The following CRACD variants were observed in gnomAD, a reference collection of about 807,000 sequenced individuals.
The protein encoded by CRACD is capping protein inhibiting regulator of actin dynamics.
A neutral mutation model predicts 106.8 loss-of-function variants in CRACD; 56 were observed. The observed-to-expected ratio is 0.52, with a 90% CI of 0.42 to 0.66. CRACD has a LOEUF of 0.66. CRACD is among the 30% of genes least tolerant of loss of function. CRACD has a pLI of 0.00. For synonymous variants in CRACD, 754 were observed against 670.8 expected (o/e 1.12, Z -1.92); for missense variants, 1,730 against 1,623.2 (o/e 1.07, Z -1.13).
intron 1 of CRACD, among the ~76,000 whole-genome samples, chr4:56,055,212 C>G (rs1428714085): frequency 1.3e-5 from 2 of 151,878 alleles, no homozygotes; most frequent in African/African-American, 4.8e-5. Flanking sequence ...CCTCACCCCA[C>G]TCACCTGGGG....
At position 56,172,020 on chromosome 4, in the gene CRACD, CT is replaced by C. The variant is rs35574683; in HGVS notation, c.-335-7249del. 2.2e-3 allele frequency among the ~76,000 whole-genome samples: 230 copies of C among 106,356 alleles called. 2 individuals are homozygous for C. Among genetic ancestry groups the C allele is most frequent in the African/African-American group, 4.9e-3 (140 of 28,380 alleles). 69.8% of individuals were successfully genotyped at this position (106,356 alleles called of 152,430 possible). Reference sequence around the variant, plus strand: ...GTGGAGGTATCTTTTGAGGGTTTCTCTTTTTTTTTTTTTTTCAACTTTACAG... The same window carrying C: ...GTGGAGGTATCTTTTGAGGGTTTCTCTTTTTTTTTTTTTTCAACTTTACAG... On this transcript the variant is annotated intron_variant, in intron 1 of 10. Transcript: ENST00000682029.
At chr4:56,210,102 C>A (rs372564294) in intron 2 of CRACD, among the ~76,000 whole-genome samples, 6 of 152,288 alleles carry the variant, frequency 3.9e-5, no homozygotes, top group African/African-American at 1.4e-4. Context: ...CAGACTTCAC[C>A]ATGGCTACCT....
intron 1 of CRACD, among the ~76,000 whole-genome samples, chr4:56,142,858 A>T (rs1328276810): frequency 1.3e-5 from 2 of 151,964 alleles, no homozygotes; most frequent in Non-Finnish European, 2.9e-5. Flanking sequence ...TAATTTTTAG[A>T]TCTATTTGTG....
chr4:56,089,813 A>T (rs571466910), intron 1 of CRACD, among the ~76,000 whole-genome samples: 1 of 152,066 alleles, frequency 6.6e-6, no homozygotes, highest in South Asian at 2.1e-4. Context: ...GTGCCTGGCT[A>T]TAGGATTTTA....
intron 8 of CRACD, among the ~76,000 whole-genome samples, chr4:56,322,901 C>T (rs1001583614): frequency 1.8e-4 from 28 of 152,050 alleles, no homozygotes; most frequent in African/African-American, 6.3e-4. Context: ...TGGTTGCAGG[C>T]GCCTGTAGTC....
At chr4:56,208,327 T>C (rs1035534287) in intron 2 of CRACD, among the ~76,000 whole-genome samples, 1 of 152,158 alleles carries the variant, frequency 6.6e-6, no homozygotes, top group Non-Finnish European at 1.5e-5. Context: ...AAGGGCAGTC[T>C]TTCTCTGATG....
At chr4:56,259,626 T>G (rs1323152058) in intron 2 of CRACD, among the ~76,000 whole-genome samples, 1 of 152,170 alleles carries the variant, frequency 6.6e-6, no homozygotes, top group African/African-American at 2.4e-5. Context: ...GTGGCTCCCT[T>G]TACTATCACT....
Position 56,315,020 on chromosome 4 carries a change from G to C in CRACD, c.1518G>C (p.Glu506Asp). The C allele has an allele frequency of 6.3e-7, 1 of 1,593,146 alleles. No homozygotes were observed. Among genetic ancestry groups the C allele is most frequent in the Admixed American group, 1.8e-5 (1 of 55,482 alleles). Residue 506 changes from glutamate (E) to aspartate (D), a missense_variant, in exon 8 of 11, where the codon GAG becomes GAC. This residue lies in a region of CRACD where 1,620 missense variants were observed against 1,481.6 expected (regional missense o/e 1.09). Coordinates refer to ENST00000682029, the MANE Select transcript of CRACD (RefSeq NM_001393381.1). The surrounding 1 kb of genome is among the most constrained non-coding windows in gnomAD (Gnocchi z 4.1). Reference sequence around the variant, plus strand: ...TGGAAGCCGCGCAGCCTCCGGTGGAGAGGAAAGAAGCCGCCGCCCTTGAAC... The same window carrying C: ...TGGAAGCCGCGCAGCCTCCGGTGGACAGGAAAGAAGCCGCCGCCCTTGAAC... ...GPVEAAQPPV[E>D]RKEAAALEQG...
At chr4:56,260,763 T>G (rs1398089334) in intron 2 of CRACD, among the ~76,000 whole-genome samples, 1 of 152,218 alleles carries the variant, frequency 6.6e-6, no homozygotes, top group Non-Finnish European at 1.5e-5. Flanking sequence ...ATCCAGCCTA[T>G]TCTTCCTGAT....
intron 1 of CRACD, among the ~76,000 whole-genome samples, chr4:56,162,992 G>C (rs754905786): frequency 2.0e-5 from 3 of 152,150 alleles, no homozygotes; most frequent in Non-Finnish European, 2.9e-5. Flanking sequence ...AATGGGCATG[G>C]CTGTCGTCAG....
At chr4:56,057,849 CG>C (rs1381289036) in intron 1 of CRACD, among the ~76,000 whole-genome samples, 242 of 53,244 alleles carry the variant, frequency 4.5e-3, no homozygotes, top group Middle Eastern at 0.012. Context: ...GACGGAGTCT[CG>C]CTCTGTCGCC....
chr4:56,201,576 T>C lies in CRACD; in HGVS notation c.-189+22146T>C, dbSNP rs78437101. ...AGACAGTCAATGGGAAAATAGACGG[T>C]GGGTATGAAATGCATTTACGGAAGT... On this transcript the variant is annotated intron_variant, in intron 2 of 10. Coordinates refer to ENST00000682029, the MANE Select transcript of CRACD (RefSeq NM_001393381.1). Among the ~76,000 whole-genome samples, 198 of 152,100 alleles carry C rather than the reference T, an allele frequency of 1.3e-3. 3 individuals carry two copies. The East Asian group carries it at 0.031, about 24-fold the overall frequency.
At chr4:56,245,076 T>G (rs1487496869) in intron 2 of CRACD, among the ~76,000 whole-genome samples, 1 of 152,210 alleles carries the variant, frequency 6.6e-6, no homozygotes, top group African/African-American at 2.4e-5. Context: ...CCAATTCATT[T>G]TCCCTTCTAC....
Position 56,315,174 on chromosome 4 carries a change from G to A in CRACD, c.1672G>A (p.Val558Met), listed in dbSNP as rs767475512. ...ILFPKVNLSPVTPAKDTGLTA... is the reference protein window; with the variant it reads ...ILFPKVNLSPMTPAKDTGLTA... ...CTTTCCCAAAGTCAACCTGAGCCCC[G>A]TGACGCCCGCAAAGGACACGGGGCT... Residue 558 changes from valine to methionine, a missense_variant, in exon 8 of 11, where the codon GTG becomes ATG. By Grantham distance (21) the Val-to-Met change is conservative. Transcript: ENST00000682029. The surrounding 1 kb of genome is among the most constrained non-coding windows in gnomAD (Gnocchi z 4.1). 3 of 1,599,052 alleles carry A rather than the reference G, an allele frequency of 1.9e-6. No individual in the cohort carries two copies. Among genetic ancestry groups the A allele is most frequent in the Admixed American group, 1.8e-5 (1 of 56,776 alleles).
intron 2 of CRACD, among the ~76,000 whole-genome samples, chr4:56,263,222 G>A (rs1363898321): frequency 6.6e-6 from 1 of 152,170 alleles, no homozygotes; most frequent in Non-Finnish European, 1.5e-5. Context: ...TGCGGGGAGT[G>A]GTTAGGAGTT....
At chr4:56,049,493 C>A (rs1208123411) in intron 1 of CRACD, among the ~76,000 whole-genome samples, 194 bp downstream of exon 1, 1 of 152,104 alleles carries the variant, frequency 6.6e-6, no homozygotes, top group Non-Finnish European at 1.5e-5. Context: ...GGCGCGGACC[C>A]TCCCGGAGGA....
intron 2 of CRACD, among the ~76,000 whole-genome samples, chr4:56,214,681 C>CTCTCTCTCTCTATATATATATATATATA: frequency 1.7e-4 from 14 of 80,988 alleles, no homozygotes; most frequent in African/African-American, 4.3e-4. Flanking sequence ...CTCTCTCTCT[C>CTCTCTCTCTCTATATATATATATATATA]TATATATATA....
At chr4:56,265,688 C>A (rs1445704458) in intron 2 of CRACD, among the ~76,000 whole-genome samples, 3 of 152,096 alleles carry the variant, frequency 2.0e-5, no homozygotes, top group Non-Finnish European at 4.4e-5. Flanking sequence ...CCATAGTAAA[C>A]AAACAGATTT....
chr4:56,151,884 A>T (rs1021242488), intron 1 of CRACD, among the ~76,000 whole-genome samples: 1 of 152,110 alleles, frequency 6.6e-6, no homozygotes, highest in Admixed American at 6.6e-5. Flanking sequence ...ACAGAAGAGG[A>T]TCTGTGTTCT....
Sources: allele counts gnomAD v4.1 joint callset (sites outside exome capture counted in the v4.1 genomes callset), GRCh38; gene constraint gnomAD v4.1.1; regional missense constraint gnomAD v4.1.1; non-coding constraint Gnocchi (gnomAD v3.1); transcripts MANE v1.5; gene names NCBI Gene and HGNC (gene_info 2026-07-23, HGNC 2026-07-21).